Variants in ARHGAP15 observed in about 807,000 individuals in gnomAD.
ARHGAP15 encodes the protein rho GTPase-activating protein 15.
In ARHGAP15, 51 loss-of-function variants were observed where a neutral mutation model predicts 63.7. The observed-to-expected ratio is 0.80, with a 90% CI of 0.64 to 1.01. ARHGAP15 has a LOEUF of 1.01. Ranked by LOEUF, ARHGAP15 falls within the 50% of genes least tolerant of loss-of-function variation. The pLI, the probability that ARHGAP15 is intolerant of heterozygous loss-of-function variation, is 0.00. For missense variants in ARHGAP15, 560 were observed against 564.6 expected, an observed-to-expected ratio of 0.99 and a Z score of 0.08; for synonymous variants, 191 against 193.8, an observed-to-expected ratio of 0.99 and a Z score of 0.12.
Position 143,451,106 on chromosome 2 carries a change from T to C in ARHGAP15, c.703+14064T>C, listed in dbSNP as rs903304636. On this transcript the variant is annotated intron_variant, in intron 8 of 13. Coordinates refer to ENST00000295095, the MANE Select transcript of ARHGAP15 (RefSeq NM_018460.4). The stretch of plus-strand genomic sequence containing the variant: ...AAGACCTGGATAAACTTTATTCCTG[T>C]TGTTTCAAGATTAGTTAACGAAAAT... Among the ~76,000 whole-genome samples the C allele has an allele frequency of 2.6e-5, 4 of 151,936 alleles. 1 individual carries two copies. Among genetic ancestry groups the C allele is most frequent in the Non-Finnish European group, 5.9e-5 (4 of 67,906 alleles).
chr2:143,237,645 C>T (rs1254519530), intron 5 of ARHGAP15: 4 of 152,194 alleles, frequency 2.6e-5, no homozygotes, highest in African/African-American at 9.7e-5. Flanking sequence ...TTTCCACCAA[C>T]AATCAGACGC....
chr2:143,473,434 C>T (rs1445952869), intron 8 of ARHGAP15, among the ~76,000 whole-genome samples: 2 of 152,126 alleles, frequency 1.3e-5, no homozygotes, highest in East Asian at 3.9e-4. Context: ...CCTAACTGAA[C>T]TGCTTGACAA....
At chr2:143,607,631 C>G (rs992859814) in intron 11 of ARHGAP15, 1 of 151,768 alleles carries the variant, frequency 6.6e-6, no homozygotes, top group Non-Finnish European at 1.5e-5. Context: ...CGAATTTGGC[C>G]AGTATGTTTG....
intron 5 of ARHGAP15, among the ~76,000 whole-genome samples, chr2:143,233,646 C>CT (rs558684012): frequency 0.01 from 1,356 of 132,162 alleles, 13 homozygotes; most frequent in African/African-American, 0.017. Context: ...CAATAGCTAT[C>CT]TTTTTTTTTT....
Position 143,572,597 on chromosome 2 carries a change from A to G in ARHGAP15, c.1003+16112A>G, listed in dbSNP as rs1056142423. On this transcript the variant is annotated intron_variant, in intron 11 of 13. Coordinates refer to ENST00000295095, the MANE Select transcript of ARHGAP15 (RefSeq NM_018460.4). ...TAAATAGTGAGGATTTCCAGTCTCT[A>G]CATAAGGTATTTTCAACAGTAGTGT... Among the ~76,000 whole-genome samples, 3 of 152,290 alleles carry G rather than the reference A, an allele frequency of 2.0e-5. No individual in the cohort carries two copies. The East Asian group carries it at 5.8e-4, about 29-fold the overall frequency.
intron 6 of ARHGAP15, among the ~76,000 whole-genome samples, chr2:143,280,964 T>C (rs569081208): frequency 3.3e-5 from 5 of 152,232 alleles, no homozygotes; most frequent in Admixed American, 2.6e-4. Context: ...TAGATACAGA[T>C]TTTTTAGAAA....
chr2:143,299,886 G>A (rs922406197), intron 6 of ARHGAP15, among the ~76,000 whole-genome samples: 1 of 151,946 alleles, frequency 6.6e-6, no homozygotes, highest in Non-Finnish European at 1.5e-5. Flanking sequence ...GTTGGAAAGG[G>A]CATTTGAGTA....
chr2:143,754,209 G>C (rs981001678), intron 13 of ARHGAP15, among the ~76,000 whole-genome samples: 2 of 152,124 alleles, frequency 1.3e-5, no homozygotes, highest in Non-Finnish European at 2.9e-5. Flanking sequence ...TTAATACAGC[G>C]TTTCAACAAA....
chr2:143,355,457 T>C (rs939996279), intron 6 of ARHGAP15, among the ~76,000 whole-genome samples: 1 of 152,212 alleles, frequency 6.6e-6, no homozygotes, highest in Non-Finnish European at 1.5e-5. Flanking sequence ...ATTCCAAGTA[T>C]AGACAGTATA....
At chr2:143,382,974 C>T (rs1194439413) in intron 6 of ARHGAP15, among the ~76,000 whole-genome samples, 1 of 152,152 alleles carries the variant, frequency 6.6e-6, no homozygotes. Flanking sequence ...AAAAGAAAAA[C>T]TATCAAGCAT....
At chr2:143,295,526 A>G (rs1231366315) in intron 6 of ARHGAP15, 1 of 152,034 alleles carries the variant, frequency 6.6e-6, no homozygotes, top group East Asian at 1.9e-4. Flanking sequence ...ATCACCACAC[A>G]TAAATTACCA....
At chr2:143,286,139 A>C (rs1361506538) in intron 6 of ARHGAP15, among the ~76,000 whole-genome samples, 1 of 152,206 alleles carries the variant, frequency 6.6e-6, no homozygotes, top group Non-Finnish European at 1.5e-5. Flanking sequence ...TTTCAAATGC[A>C]ATACAACATT....
At chr2:143,639,111 A>G (rs1680483252) in intron 12 of ARHGAP15, among the ~76,000 whole-genome samples, 1 of 152,038 alleles carries the variant, frequency 6.6e-6, no homozygotes, top group Non-Finnish European at 1.5e-5. Context: ...GTAGTTTTTG[A>G]CTAATTTGAA....
chr2:143,635,989 A>T (rs945636713), intron 12 of ARHGAP15, among the ~76,000 whole-genome samples: 1 of 152,082 alleles, frequency 6.6e-6, no homozygotes, highest in African/African-American at 2.4e-5. Context: ...ATTTTTCAGA[A>T]ATTGGAATTC....
intron 12 of ARHGAP15, among the ~76,000 whole-genome samples, chr2:143,673,441 G>A (rs547290026): frequency 1.5e-4 from 23 of 152,014 alleles, no homozygotes; most frequent in East Asian, 1.4e-3. Context: ...GGGATTACAG[G>A]AGTGTGCCAC....
intron 2 of ARHGAP15, among the ~76,000 whole-genome samples, chr2:143,194,416 AG>A (rs1216846214): frequency 1.3e-5 from 2 of 152,218 alleles, no homozygotes; most frequent in Non-Finnish European, 2.9e-5. Context: ...TAGGAACTAT[AG>A]CTTTGGCTTT....
intron 6 of ARHGAP15, among the ~76,000 whole-genome samples, chr2:143,351,718 T>G (rs1016251007): frequency 6.6e-6 from 1 of 152,148 alleles, no homozygotes; most frequent in Non-Finnish European, 1.5e-5. Flanking sequence ...GATTCCCCAT[T>G]TTTCAATCTT....
At chr2:143,301,093 A>G (rs951227110) in intron 6 of ARHGAP15, among the ~76,000 whole-genome samples, 12 of 151,930 alleles carry the variant, frequency 7.9e-5, no homozygotes, top group Admixed American at 6.6e-4. Flanking sequence ...TAAATACTAA[A>G]TAAGTGAACA....
At chr2:143,299,885 G>C (rs542754083) in intron 6 of ARHGAP15, among the ~76,000 whole-genome samples, 1 of 151,824 alleles carries the variant, frequency 6.6e-6, no homozygotes, top group Non-Finnish European at 1.5e-5. Flanking sequence ...TGTTGGAAAG[G>C]GCATTTGAGT....
Sources: allele counts gnomAD v4.1 joint callset (sites outside exome capture counted in the v4.1 genomes callset), GRCh38; gene constraint gnomAD v4.1.1; transcripts MANE v1.5; gene names NCBI Gene and HGNC (gene_info 2026-07-23, HGNC 2026-07-21).